SVIP: variants seen among roughly 807,000 people sequenced by gnomAD.
SVIP encodes the protein small VCP/p97-interacting protein.
SVIP carries 14 observed loss-of-function variants against 12.9 expected under a neutral mutation model. The ratio of observed to expected loss-of-function variants is 1.08; its 90% CI spans 0.72 to 1.70. SVIP has a LOEUF of 1.70. Among genes scored for constraint, SVIP ranks in the 40% most tolerant of loss-of-function variants. The pLI, the probability that SVIP is intolerant of heterozygous loss-of-function variation, is 0.00. For synonymous variants in SVIP, 35 were observed against 33.3 expected (o/e 1.05, Z -0.17); for missense variants, 93 against 90.8 (o/e 1.02, Z -0.10).
In SVIP at chr11:22,823,117, C is replaced by G; in HGVS notation, c.*2G>C. 6.3e-7 allele frequency: 1 copy of G among 1,591,484 alleles called. No homozygotes were observed. The highest frequency in any genetic ancestry group is 1.1e-5 in the South Asian group (1 of 87,606). The stretch of plus-strand genomic sequence containing the variant: ...AGTAGATTCTTCTACTCATGTTATG[C>G]TTTATGAAACTGTCCACTAGAAAAG... On this transcript the variant is annotated 3_prime_UTR_variant, in exon 4 of 4. Transcript: ENST00000354193.
chr11:22,827,853 C>A lies in SVIP; in HGVS notation c.76G>T (p.Ala26Ser), dbSNP rs770415053. The change falls in exon 2 of 4, where the codon GCA becomes TCA. Residue 26 changes from alanine (A) to serine (S), a missense_variant. By Grantham distance (99) the Ala-to-Ser change is moderately conservative. Coordinates refer to ENST00000354193, the MANE Select transcript of SVIP (RefSeq NM_148893.3). Reference sequence around the variant, plus strand: ...TTTTGTCTTCTCTCTGCAGCCTCTGCAAGCTTTGCTCTTTTCTCTTCCTAA... The same window carrying A: ...TTTTGTCTTCTCTCTGCAGCCTCTGAAAGCTTTGCTCTTTTCTCTTCCTAA... ...PDLEEKRAKL[A>S]EAAERRQKEA... The A allele has an allele frequency of 1.9e-6, 3 of 1,582,310 alleles. No homozygotes were observed. The highest frequency in any genetic ancestry group is 2.4e-5 in the South Asian group (2 of 84,200).
chr11:22,829,709 G>GAGGCGCGGA lies in SVIP; in HGVS notation c.31_39dup (p.Ser11_Pro13dup). The GAGGCGCGGA allele has an allele frequency of 6.2e-7, 1 of 1,605,728 alleles. No homozygotes were observed. The highest frequency in any genetic ancestry group is 8.5e-7 in the Non-Finnish European group (1 of 1,177,022). On this transcript the variant is annotated inframe_insertion, in exon 1 of 4. Coordinates refer to ENST00000354193, the MANE Select transcript of SVIP (RefSeq NM_148893.3). ...GCTCTACTCACCAGGTCCGGCGTGGGAGGCGCGGACTCCCCGGGACAAGGA... is the reference window on the plus strand; with the variant it reads ...GCTCTACTCACCAGGTCCGGCGTGGGAGGCGCGGAAGGCGCGGACTCCCCGGGACAAGGA...
chr11:22,829,346 G>A (rs1253522962), intron 1 of SVIP: 6 of 236,156 alleles, frequency 2.5e-5, no homozygotes, highest in Non-Finnish European at 4.9e-5. Flanking sequence ...TTTTCGCGCC[G>A]AATTCCATCT....
At chr11:22,829,529 G>C in intron 1 of SVIP, 166 bp downstream of exon 1, 2 of 629,448 alleles carry the variant, frequency 3.2e-6, no homozygotes, top group Non-Finnish European at 5.3e-6. Flanking sequence ...AGGTCGCTCT[G>C]ACAGGACCCA....
At chr11:22,824,879 A>G (rs1857636597) in intron 3 of SVIP, among the ~76,000 whole-genome samples, 1 of 152,116 alleles carries the variant, frequency 6.6e-6, no homozygotes, top group Admixed American at 6.5e-5. Flanking sequence ...AAAGCTGCCT[A>G]TGAAACTCCA....
chr11:22,820,616 GA>G lies in SVIP; in HGVS notation c.*2502del, dbSNP rs890701382. ...GACAGCTAAAGCTAATTTTTACATA[GA>G]AAAAAATGTATATTTATATCCCTAA... On this transcript the variant is annotated 3_prime_UTR_variant, in exon 4 of 4. Transcript: ENST00000354193. The G allele has an allele frequency of 6.6e-6, 1 of 151,920 alleles. No individual in the cohort carries two copies. The highest frequency in any genetic ancestry group is 2.4e-5 in the African/African-American group (1 of 41,356). 9.4% of individuals were successfully genotyped at this position (151,920 alleles called of 1,614,324 possible). A position where few individuals can be genotyped will look rare whatever the true frequency, so the allele number is the denominator to read the frequency against.
At position 22,827,286 on chromosome 11, in the gene SVIP, A is replaced by G. The variant is rs1344491527; in HGVS notation, c.140T>C (p.Val47Ala). 3.1e-6 allele frequency: 5 copies of G among 1,604,434 alleles called. No homozygotes were observed. The highest frequency in any genetic ancestry group is 1.3e-5 in the African/African-American group (1 of 74,166). The change falls in exon 3 of 4, where the codon GTG (valine) becomes GCG (alanine). Residue 47 changes from valine (V) to alanine (A), a missense_variant. Val to Ala is a moderately conservative substitution (Grantham distance 64, BLOSUM62 0). Coordinates refer to ENST00000354193, the MANE Select transcript of SVIP (RefSeq NM_148893.3). Reference protein sequence around the residue: ...ASRGILDVQSVQEKRKKKEKI... With the variant: ...ASRGILDVQSAQEKRKKKEKI... ...TTCCTTTTTCTTTCTCTTTTCTTGC[A>G]CAGATTGAACATCTAAAATTCCCCG...
rs529655185 is a variant in SVIP, at chr11:22,819,188, C to T, written c.*3931G>A. 11 of 152,234 alleles carry T rather than the reference C, an allele frequency of 7.2e-5. No individual in the cohort carries two copies. In the East Asian group the frequency reaches 1.4e-3, roughly 19 times the overall value. The allele number at this position is 152,234 out of a possible 1,614,324, so 9.4% of individuals were successfully genotyped here. A position where few individuals can be genotyped will look rare whatever the true frequency, so the allele number is the denominator to read the frequency against. On this transcript the variant is annotated 3_prime_UTR_variant, in exon 4 of 4. Transcript: ENST00000354193. ...ACCTGAGACACTTGGTATTAACCTA[C>T]TTTAAATATATCTGTTACATTTATA...
intron 2 of SVIP, 102 bp from the exon 3 acceptor site, chr11:22,827,422 G>T (rs2134765880): frequency 2.2e-6 from 2 of 926,932 alleles, no homozygotes; most frequent in South Asian, 1.5e-5. Flanking sequence ...TTCTTTGGGG[G>T]TAGGGAGTTG....
chr11:22,819,869 G>A lies in SVIP; in HGVS notation c.*3250C>T, dbSNP rs186919910. ...GGAGTAATGTATGAATACTTAATTTGTAGGCAATAGTTATCACATTCAAAG... is the reference window on the plus strand; with the variant it reads ...GGAGTAATGTATGAATACTTAATTTATAGGCAATAGTTATCACATTCAAAG... On this transcript the variant is annotated 3_prime_UTR_variant, in exon 4 of 4. Transcript: ENST00000354193. 1 of 152,322 alleles carries A rather than the reference G, an allele frequency of 6.6e-6. No individual in the cohort carries two copies. The highest frequency in any genetic ancestry group is 1.9e-4 in the East Asian group (1 of 5,186). The allele number at this position is 152,322 out of a possible 1,614,324, so 9.4% of individuals were successfully genotyped here.
intron 1 of SVIP, 151 bp from the exon 2 acceptor site, chr11:22,828,025 G>T: frequency 1.9e-6 from 1 of 516,598 alleles, no homozygotes; most frequent in Non-Finnish European, 3.2e-6. Context: ...TCAACTTTTT[G>T]AATTTCATTC....
At chr11:22,827,350 A>G (rs775766062) in intron 2 of SVIP, 30 bp from the exon 3 acceptor site, 29 of 1,563,014 alleles carry the variant, frequency 1.9e-5, no homozygotes, top group Non-Finnish European at 2.4e-5. Flanking sequence ...AAAAACAGAA[A>G]GACAACAAAA....
intron 3 of SVIP, among the ~76,000 whole-genome samples, chr11:22,824,515 T>C (rs12419860): frequency 0.55 from 78,331 of 141,736 alleles, 21,357 homozygotes; most frequent in Non-Finnish European, 0.59. Context: ...TATACACACA[T>C]ATATATATAA....
chr11:22,827,389 GTCTA>G (rs1385840133), intron 2 of SVIP, 69 bp from the exon 3 acceptor site: 2 of 1,294,262 alleles, frequency 1.5e-6, no homozygotes, highest in African/African-American at 3.1e-5. Context: ...ACATTTTTTT[GTCTA>G]TCTTTGCTTT....
In SVIP at chr11:22,819,020, T is replaced by A. The variant is rs1857401896; in HGVS notation, c.*4099A>T. 1 of 152,214 alleles carries A rather than the reference T, an allele frequency of 6.6e-6. No individual in the cohort carries two copies. The allele number at this position is 152,214 out of a possible 1,614,324, so 9.4% of individuals were successfully genotyped here. Reference sequence around the variant, plus strand: ...ATATTTTATTTGTTGATATTGTAATTTAAATTTTCCCACTTTCAATTACAG... The same window carrying A: ...ATATTTTATTTGTTGATATTGTAATATAAATTTTCCCACTTTCAATTACAG... On this transcript the variant is annotated 3_prime_UTR_variant, in exon 4 of 4. Transcript: ENST00000354193.
At position 22,819,518 on chromosome 11, in the gene SVIP, T is replaced by A. The variant is rs916918044; in HGVS notation, c.*3601A>T. ...CGGGCGCGGTGGCTCATGCCTGTAA[T>A]CCCAGCACTTTGGGAGGCCAAGGCG... is the stretch of plus-strand genomic sequence containing the variant. On this transcript the variant is annotated 3_prime_UTR_variant, in exon 4 of 4. Transcript: ENST00000354193. 6.6e-6 allele frequency: 1 copy of A among 152,294 alleles called. No homozygotes were observed. The highest frequency in any genetic ancestry group is 2.4e-5 in the African/African-American group (1 of 41,454). 9.4% of individuals were successfully genotyped at this position (152,294 alleles called of 1,614,324 possible).
intron 3 of SVIP, among the ~76,000 whole-genome samples, chr11:22,825,968 C>G (rs1564906767): frequency 6.6e-6 from 1 of 151,874 alleles, no homozygotes; most frequent in Non-Finnish European, 1.5e-5. Flanking sequence ...TGAAACAGCA[C>G]TTTATCTCAA....
At chr11:22,827,899 A>C (rs1483083142) in intron 1 of SVIP, 25 bp from the exon 2 acceptor site, 1 of 1,483,556 alleles carries the variant, frequency 6.7e-7, no homozygotes, top group African/African-American at 1.4e-5. Context: ...AAAAATATGT[A>C]TTAAAATAAC....
At chr11:22,824,833 T>C (rs1268442884) in intron 3 of SVIP, among the ~76,000 whole-genome samples, 1 of 152,148 alleles carries the variant, frequency 6.6e-6, no homozygotes, top group East Asian at 1.9e-4. Flanking sequence ...AGAGACTGAC[T>C]GGTGTGAGGT....
Sources: gnomAD v4.1 joint callset for allele counts (sites outside exome capture counted in the v4.1 genomes callset) on GRCh38, gnomAD v4.1.1 for gene constraint, MANE v1.5 for transcripts, NCBI Gene and HGNC (gene_info 2026-07-23, HGNC 2026-07-21) for gene names.